The following SCUBE1 variants were observed in gnomAD, a reference collection of about 807,000 sequenced individuals.
The protein encoded by SCUBE1 is signal peptide, CUB domain and EGF like domain containing 1.
SCUBE1 carries 59 observed loss-of-function variants against 124.4 expected under a neutral mutation model. That is an observed-to-expected ratio of 0.47 (90% confidence interval 0.38 to 0.59). The LOEUF (loss-of-function observed/expected upper bound fraction) is 0.59, where lower values mean the gene tolerates loss of function less well. Among genes scored for constraint, SCUBE1 ranks in the 20% least tolerant of loss-of-function variants. SCUBE1 has a pLI of 0.00. For synonymous variants in SCUBE1, 545 were observed against 550.9 expected (o/e 0.99, Z 0.15); for missense variants, 1,150 against 1,371.2 (o/e 0.84, Z 2.55).
intron 5 of SCUBE1, among the ~76,000 whole-genome samples, chr22:43,259,225 G>A (rs541866413): frequency 6.6e-6 from 1 of 152,152 alleles, no homozygotes; most frequent in Non-Finnish European, 1.5e-5. Context: ...GGGGGTGCAG[G>A]GCCCCTGCCT....
chr22:43,210,315 C>A lies in SCUBE1; in HGVS notation c.2384-75G>T. 7.6e-7 allele frequency: 1 copy of A among 1,309,692 alleles called. No individual in the cohort carries two copies. The highest frequency in any genetic ancestry group is 1.0e-6 in the Non-Finnish European group (1 of 982,386). 81.1% of individuals were successfully genotyped at this position (1,309,692 alleles called of 1,614,324 possible). On this transcript the variant is annotated intron_variant, in intron 18 of 21. Transcript: ENST00000360835. This position sits in a 1 kb window ranked among gnomAD's most constrained non-coding sequence, Gnocchi z 4.5. ...CCCTGGCCGGCCAGGCCTCTAACCA[C>A]CTGGGAGGCCTAGGGCAGGGCTGGA...
At chr22:43,326,213 A>G (rs1926722305) in intron 2 of SCUBE1, among the ~76,000 whole-genome samples, 1 of 152,130 alleles carries the variant, frequency 6.6e-6, no homozygotes, top group Admixed American at 6.6e-5. Flanking sequence ...TTTTCTAGAC[A>G]TTCCTCAAGA....
Position 43,219,771 on chromosome 22 carries a change from A to G in SCUBE1, c.1687+679T>C, listed in dbSNP as rs528407507. On this transcript the variant is annotated intron_variant, in intron 14 of 21. Transcript: ENST00000360835. ...ATTACAGGCGTGAGCCAGTGTGCCC[A>G]GCCAGACTAAGACATTTCCTAAGCC... Among the ~76,000 whole-genome samples the G allele has an allele frequency of 3.8e-3, 583 of 152,154 alleles. 8 individuals carry two copies. The highest frequency in any genetic ancestry group is 3.0e-3 in the Non-Finnish European group (203 of 67,986).
intron 3 of SCUBE1, among the ~76,000 whole-genome samples, chr22:43,292,182 C>T (rs749163756): frequency 3.9e-5 from 6 of 152,212 alleles, no homozygotes; most frequent in African/African-American, 7.2e-5. Context: ...TCAAAAACTC[C>T]GAGAATGAGG....
chr22:43,323,021 C>G (rs539534794), intron 2 of SCUBE1, among the ~76,000 whole-genome samples: 8 of 152,272 alleles, frequency 5.3e-5, no homozygotes, highest in African/African-American at 1.7e-4. Flanking sequence ...GGGCAAGGAT[C>G]AGAACAAAGG....
chr22:43,214,135 C>G lies in SCUBE1; in HGVS notation c.2008G>C (p.Asp670His). Residue 670 changes from aspartate (D) to histidine (H), a missense_variant, in exon 16 of 22, where the codon GAC becomes CAC. By Grantham distance (81) the Asp-to-His change is moderately conservative. Transcript: ENST00000360835. ...CGGGCACCAGGCAGACCAAGCCCGTCGCTGCTGGGGCACGGTGTGCAACTG... is the reference window on the plus strand; with the variant it reads ...CGGGCACCAGGCAGACCAAGCCCGTGGCTGCTGGGGCACGGTGTGCAACTG... ...QLSCTPCPSS[D>H]GLGLPGARNV... The G allele has an allele frequency of 6.2e-7, 1 of 1,609,258 alleles. No homozygotes were observed. The highest frequency in any genetic ancestry group is 8.5e-7 in the Non-Finnish European group (1 of 1,177,824).
At chr22:43,249,318 G>T (rs1201024742) in intron 6 of SCUBE1, among the ~76,000 whole-genome samples, 1 of 150,406 alleles carries the variant, frequency 6.6e-6, no homozygotes, top group African/African-American at 2.4e-5. Context: ...GTGGAGGGGA[G>T]CTGGGGTGGA....
intron 6 of SCUBE1, among the ~76,000 whole-genome samples, chr22:43,252,689 C>A (rs936565070): frequency 6.6e-6 from 1 of 152,208 alleles, no homozygotes; most frequent in Non-Finnish European, 1.5e-5. Flanking sequence ...GCAATCCTGG[C>A]AGCATGAACA....
chr22:43,301,424 A>G (rs2146763460), intron 3 of SCUBE1, among the ~76,000 whole-genome samples: 1 of 152,234 alleles, frequency 6.6e-6, no homozygotes, highest in East Asian at 1.9e-4. Context: ...GCCTCCAGCC[A>G]GGCTGCTGTG....
At chr22:43,218,218 A>G in intron 15 of SCUBE1, 37 bp downstream of exon 15, 1 of 1,597,112 alleles carries the variant, frequency 6.3e-7, no homozygotes, top group East Asian at 2.2e-5. Context: ...AAGGAAGGAC[A>G]GAGTCAGCAT....
At chr22:43,207,995 G>A in intron 20 of SCUBE1, 77 bp downstream of exon 20, 3 of 1,518,506 alleles carry the variant, frequency 2.0e-6, no homozygotes, top group Non-Finnish European at 2.7e-6. Context: ...TGAGGGCGGG[G>A]ACGTGCGACT....
At chr22:43,208,457 C>G (rs749935291) in intron 19 of SCUBE1, among the ~76,000 whole-genome samples, 11 of 152,210 alleles carry the variant, frequency 7.2e-5, no homozygotes, top group South Asian at 2.1e-4. Context: ...TTCCAGGAAG[C>G]CTCCCTGACT....
intron 7 of SCUBE1, among the ~76,000 whole-genome samples, chr22:43,235,695 C>T (rs1922732575): frequency 6.6e-6 from 1 of 152,174 alleles, no homozygotes; most frequent in African/African-American, 2.4e-5. Context: ...CAGCCACCGG[C>T]AGCCCAGCCC....
At chr22:43,330,696 A>G (rs1054931420) in intron 2 of SCUBE1, among the ~76,000 whole-genome samples, 1 of 152,242 alleles carries the variant, frequency 6.6e-6, no homozygotes, top group Admixed American at 6.5e-5. Flanking sequence ...CAGTAGCATG[A>G]GCTTTTTATT....
rs779618810 is a variant in SCUBE1 at position 43,218,285 on chromosome 22, C to T, written c.1861G>A (p.Ala621Thr). The T allele has an allele frequency of 3.0e-5, 48 of 1,613,194 alleles. No homozygotes were observed. Among genetic ancestry groups the T allele is most frequent in the Non-Finnish European group, 3.9e-5 (46 of 1,180,010 alleles). The change falls in exon 15 of 22, where the codon GCA becomes ACA. Residue 621 changes from alanine (A) to threonine (T), a missense_variant. Ala to Thr is a moderately conservative substitution (Grantham distance 58). Coordinates refer to ENST00000360835, the MANE Select transcript of SCUBE1 (RefSeq NM_173050.5). ...TTGCTGTCCTGTAGCACCTGGCCTG[C>T]GCCACATGCCCCCTGCCCCTCCAGC... ...KALEGQGACG[A>T]GQVLQDSKCV... is the part of the protein sequence containing the mutation.
At position 43,281,559 on chromosome 22, in the gene SCUBE1, C is replaced by CTCTTTGG. The variant is rs371084124; in HGVS notation, c.484+9486_484+9487insCCAAAGA. 8.1e-4 allele frequency among the ~76,000 whole-genome samples: 72 copies of CTCTTTGG among 88,666 alleles called. 4 individuals carry two copies. The East Asian group carries it at 0.042, about 52-fold the overall frequency. 58.2% of individuals were successfully genotyped at this position (88,666 alleles called of 152,430 possible). The stretch of plus-strand genomic sequence containing the variant: ...CCTCAGTCACCCTCCTGTCACCTCC[C>CTCTTTGG]CCTCAGCCACCCTCCTGTCACCTCC... On this transcript the variant is annotated intron_variant, in intron 4 of 21. Coordinates refer to ENST00000360835, the MANE Select transcript of SCUBE1 (RefSeq NM_173050.5).
At chr22:43,306,795 G>A (rs948443748) in intron 3 of SCUBE1, among the ~76,000 whole-genome samples, 2 of 152,154 alleles carry the variant, frequency 1.3e-5, no homozygotes, top group East Asian at 1.9e-4. Context: ...CAAGGCCAAC[G>A]TGTCTGATGC....
intron 4 of SCUBE1, among the ~76,000 whole-genome samples, chr22:43,281,491 CA>C (rs1924871459): frequency 1.3e-5 from 1 of 77,610 alleles, no homozygotes; most frequent in Non-Finnish European, 2.5e-5. Flanking sequence ...CCTCTTTGGC[CA>C]CCCTCCTGTC....
intron 3 of SCUBE1, among the ~76,000 whole-genome samples, chr22:43,299,182 T>G (rs867723989): frequency 1.3e-5 from 2 of 152,002 alleles, no homozygotes; most frequent in African/African-American, 4.8e-5. Context: ...GTCCCTGAGG[T>G]GTTTGGGAGT....
Sources: allele counts gnomAD v4.1 joint callset (sites outside exome capture counted in the v4.1 genomes callset), GRCh38; gene constraint gnomAD v4.1.1; non-coding constraint Gnocchi (gnomAD v3.1); transcripts MANE v1.5; gene names NCBI Gene and HGNC (gene_info 2026-07-23, HGNC 2026-07-21).